KIR3DL3: variants seen among roughly 807,000 people sequenced by gnomAD.
KIR3DL3 encodes the protein killer cell immunoglobulin like receptor, three Ig domains and long cytoplasmic tail 3.
Under a neutral mutation model 34.9 loss-of-function variants are expected in KIR3DL3, and 27 were observed. That is an observed-to-expected ratio of 0.77 (90% confidence interval 0.57 to 1.07). The LOEUF (loss-of-function observed/expected upper bound fraction) is 1.07. Ranked by LOEUF, KIR3DL3 falls within the 50% of genes least tolerant of loss-of-function variation. KIR3DL3 has a pLI of 0.00. For synonymous variants in KIR3DL3, 217 were observed against 200.2 expected, an observed-to-expected ratio of 1.08 and a Z score of -0.71; for missense variants, 681 against 528.5, an observed-to-expected ratio of 1.29 and a Z score of -2.83.
rs575714276 is a variant in KIR3DL3 at position 54,736,437 on chromosome 19, CT to C, written c.*343del. On this transcript the variant is annotated 3_prime_UTR_variant, in exon 8 of 8. Transcript: ENST00000291860. ...CCTAACTGGCTTACTTCCTAGTCTA[CT>C]TGAGGCTGCGATCACACTGAGGAAC... is the stretch of plus-strand genomic sequence containing the variant. The C allele has an allele frequency of 8.3e-4, 355 of 428,072 alleles. 8 individuals carry two copies. Among genetic ancestry groups the C allele is most frequent in the African/African-American group, 7.3e-3 (321 of 44,200 alleles). The allele number at this position is 428,072 out of a possible 1,614,324, so 26.5% of individuals were successfully genotyped here. A position where few individuals can be genotyped will look rare whatever the true frequency, so the allele number is the denominator to read the frequency against.
At chr19:54,729,922 GC>G in intron 5 of KIR3DL3, 136 bp downstream of exon 5, 2 of 624,802 alleles carry the variant, frequency 3.2e-6, no homozygotes, top group Non-Finnish European at 5.0e-6. Flanking sequence ...CGGGGTCAGG[GC>G]GCAGGATGGC....
At position 54,736,074 on chromosome 19, in the gene KIR3DL3, C is replaced by T. The variant is rs569741140; in HGVS notation, c.1211C>T (p.Pro404Leu). 1 of 1,613,536 alleles carries T rather than the reference C, an allele frequency of 6.2e-7. No homozygotes were observed. The highest frequency in any genetic ancestry group is 1.1e-5 in the South Asian group (1 of 91,028). The change falls in exon 8 of 8, where the codon CCC (proline) becomes CTC (leucine). Residue 404 changes from proline to leucine, a missense_variant. Coordinates refer to ENST00000291860, the MANE Select transcript of KIR3DL3 (RefSeq NM_153443.5). ...CGCCCTTCTCAGAGGCCCAAGACAC[C>T]CCCAACAGATACCAGCGTGTAACAC... ...ITRPSQRPKT[P>L]PTDTSV
chr19:54,726,548 G>A (rs2068207103), intron 3 of KIR3DL3, among the ~76,000 whole-genome samples: 1 of 146,386 alleles, frequency 6.8e-6, no homozygotes, highest in African/African-American at 2.5e-5. Flanking sequence ...GACTATTTAT[G>A]TTATAGGGCA....
At chr19:54,734,896 G>A (rs1363741621) in intron 5 of KIR3DL3, among the ~76,000 whole-genome samples, 1 of 140,858 alleles carries the variant, frequency 7.1e-6, no homozygotes, top group African/African-American at 2.7e-5. Context: ...AGTTCTCCAG[G>A]AACTAATAGA....
At chr19:54,734,814 C>T (rs1415898514) in intron 5 of KIR3DL3, among the ~76,000 whole-genome samples, 1 of 143,662 alleles carries the variant, frequency 7.0e-6, no homozygotes, top group Non-Finnish European at 1.5e-5. Flanking sequence ...GCAGAGACCA[C>T]AGAGATCACA....
chr19:54,732,503 C>G (rs1262414047), intron 5 of KIR3DL3, among the ~76,000 whole-genome samples: 1 of 152,086 alleles, frequency 6.6e-6, no homozygotes, highest in Admixed American at 6.6e-5. Flanking sequence ...GTGATCCCAC[C>G]GCCTTAGCGT....
At chr19:54,729,179 G>A (rs1247337431) in intron 4 of KIR3DL3, among the ~76,000 whole-genome samples, 1 of 149,954 alleles carries the variant, frequency 6.7e-6, no homozygotes, top group African/African-American at 2.4e-5. Context: ...AGAAAGTTAT[G>A]AGCAAGACAG....
At chr19:54,732,669 T>C (rs1436653224) in intron 5 of KIR3DL3, among the ~76,000 whole-genome samples, 4 of 152,222 alleles carry the variant, frequency 2.6e-5, no homozygotes, top group Non-Finnish European at 5.9e-5. Flanking sequence ...ATTCAACCCT[T>C]GGAAGATTGG....
In KIR3DL3 at chr19:54,736,035, A is replaced by C. The variant is rs761465725; in HGVS notation, c.1172A>C (p.Gln391Pro). The C allele has an allele frequency of 2.5e-6, 4 of 1,613,686 alleles. No individual in the cohort carries two copies. The South Asian group carries it at 3.3e-5, about 13-fold the overall frequency. Residue 391 changes from glutamine to proline, a missense_variant, in exon 8 of 8, where the codon CAG (glutamine) becomes CCG (proline). Transcript: ENST00000291860. Reference sequence around the variant, plus strand: ...CAGTTGAATCACTGCGTTTTCACACAGAGAAAAATCACTCGCCCTTCTCAG... The same window carrying C: ...CAGTTGAATCACTGCGTTTTCACACCGAGAAAAATCACTCGCCCTTCTCAG... Reference protein sequence around the residue: ...YAQLNHCVFTQRKITRPSQRP... With the variant: ...YAQLNHCVFTPRKITRPSQRP...
rs762158849 is a variant in KIR3DL3, at chr19:54,735,846, G to A, written c.1081G>A (p.Ala361Thr). ...KNAVVMDQEP[A>T]GNRTVNREDS... ...TGCTGTTGTAATGGACCAAGAGCCT[G>A]CAGGGAACAGAACAGTGAACAGGGA... is the stretch of plus-strand genomic sequence containing the variant. The change falls in exon 7 of 8, where the codon GCA becomes ACA. Residue 361 changes from alanine to threonine, a missense_variant. Physicochemically the swap from Ala to Thr is moderately conservative, Grantham distance 58 (BLOSUM62 0). Coordinates refer to ENST00000291860, the MANE Select transcript of KIR3DL3 (RefSeq NM_153443.5). The A allele has an allele frequency of 1.2e-6, 2 of 1,607,666 alleles. No homozygotes were observed. The highest frequency in any genetic ancestry group is 1.7e-5 in the Admixed American group (1 of 58,870).
At position 54,727,777 on chromosome 19, in the gene KIR3DL3, G is replaced by A. The variant is rs201248696; in HGVS notation, c.522G>A (p.Ala174=). ...GCCTCGTTGGACAGCTCCACGATGC[G>A]GGTTCCCAGGTCAACTATTCCATGG... ...PLRLVGQLHD[A]GSQVNYSMGP... is the part of the protein sequence containing the mutation. Residue 174 remains alanine, a synonymous_variant, in exon 4 of 8, where the codon GCG becomes GCA. Coordinates refer to ENST00000291860, the MANE Select transcript of KIR3DL3 (RefSeq NM_153443.5). 7.9e-5 allele frequency: 128 copies of A among 1,613,468 alleles called. 1 individual carries two copies. The highest frequency in any genetic ancestry group is 1.6e-4 in the Middle Eastern group (1 of 6,084).
chr19:54,728,101 A>C (rs1214712986), intron 4 of KIR3DL3, among the ~76,000 whole-genome samples, 191 bp downstream of exon 4: 1 of 151,916 alleles, frequency 6.6e-6, no homozygotes, highest in Non-Finnish European at 1.5e-5. Context: ...CATAACATAG[A>C]AGCCAGACAC....
intron 5 of KIR3DL3, among the ~76,000 whole-genome samples, chr19:54,730,309 T>G (rs1398965628): frequency 4.0e-5 from 6 of 149,950 alleles, no homozygotes; most frequent in African/African-American, 1.2e-4. Flanking sequence ...ATCCCAACAC[T>G]TTGAGAGGCC....
In KIR3DL3 at chr19:54,735,103, G is replaced by A. The variant is rs1170927683; in HGVS notation, c.950-150G>A. 4.3e-6 allele frequency: 3 copies of A among 695,592 alleles called. No homozygotes were observed. In the South Asian group the frequency reaches 5.1e-5, roughly 12 times the overall value. The allele number at this position is 695,592 out of a possible 1,614,324, so 43.1% of individuals were successfully genotyped here. ...CACGTTCTATGGTTACTACAACTGAGAAAGCAGGAGGAAGCTAGGTCTCCC... is the reference window on the plus strand; with the variant it reads ...CACGTTCTATGGTTACTACAACTGAAAAAGCAGGAGGAAGCTAGGTCTCCC... On this transcript the variant is annotated intron_variant, in intron 5 of 7. Coordinates refer to ENST00000291860, the MANE Select transcript of KIR3DL3 (RefSeq NM_153443.5).
Position 54,729,672 on chromosome 19 carries a change from A to C in KIR3DL3, c.835A>C (p.Asn279His). The change falls in exon 5 of 8, where the codon AAC becomes CAC. Residue 279 changes from asparagine to histidine, a missense_variant. Physicochemically the swap from Asn to His is moderately conservative, Grantham distance 68 (BLOSUM62 1). Coordinates refer to ENST00000291860, the MANE Select transcript of KIR3DL3 (RefSeq NM_153443.5). ...VLRVNGTFQANFPLGPVTHGG... is the reference protein window; with the variant it reads ...VLRVNGTFQAHFPLGPVTHGG... ...GAGGGTCAATGGAACATTCCAGGCCAACTTCCCTCTGGGCCCTGTGACCCA... is the reference window on the plus strand; with the variant it reads ...GAGGGTCAATGGAACATTCCAGGCCCACTTCCCTCTGGGCCCTGTGACCCA... 3.1e-6 allele frequency: 5 copies of C among 1,595,572 alleles called. No homozygotes were observed. The highest frequency in any genetic ancestry group is 4.3e-6 in the Non-Finnish European group (5 of 1,174,714).
intron 5 of KIR3DL3, among the ~76,000 whole-genome samples, chr19:54,730,396 A>G (rs1388861202): frequency 1.3e-5 from 2 of 149,704 alleles, no homozygotes; most frequent in Non-Finnish European, 3.0e-5. Context: ...TGTACTAAAA[A>G]TACAAAATAA....
At chr19:54,734,434 G>C (rs1311005796) in intron 5 of KIR3DL3, among the ~76,000 whole-genome samples, 2 of 151,650 alleles carry the variant, frequency 1.3e-5, no homozygotes, top group Admixed American at 1.3e-4. Context: ...CAGAAAAGCT[G>C]CTCGAGACAT....
chr19:54,729,820 G>C (rs2068617893), intron 5 of KIR3DL3, 34 bp downstream of exon 5: 2 of 1,579,692 alleles, frequency 1.3e-6, no homozygotes, highest in Non-Finnish European at 1.7e-6. Context: ...CATGTCTTGT[G>C]ATCCTAGAGC....
chr19:54,735,511 T>A (rs2069433515), intron 6 of KIR3DL3, among the ~76,000 whole-genome samples, 154 bp downstream of exon 6: 1 of 135,008 alleles, frequency 7.4e-6, no homozygotes, highest in Non-Finnish European at 1.6e-5. Context: ...CCAGACTCCC[T>A]GCCTCTGCCT....
Sources: allele counts gnomAD v4.1 joint callset (sites outside exome capture counted in the v4.1 genomes callset), GRCh38; gene constraint gnomAD v4.1.1; transcripts MANE v1.5; gene names NCBI Gene and HGNC (gene_info 2026-07-23, HGNC 2026-07-21).